The following DCAF5 variants were observed in gnomAD, a reference collection of about 807,000 sequenced individuals.
The protein encoded by DCAF5 is DDB1 and CUL4 associated factor 5, also known as DDB1- and CUL4-associated factor 5.
A neutral mutation model predicts 80.7 loss-of-function variants in DCAF5; 9 were observed. That is an observed-to-expected ratio of 0.11 (90% confidence interval 0.07 to 0.19). The LOEUF (loss-of-function observed/expected upper bound fraction) is 0.19, where lower values mean the gene tolerates loss of function less well. Ranked by LOEUF, DCAF5 falls within the 10% of genes least tolerant of loss-of-function variation. The pLI, the probability that DCAF5 is intolerant of heterozygous loss-of-function variation, is 1.00. For missense variants in DCAF5, 842 were observed against 1,205.7 expected (o/e 0.70, Z 4.47); for synonymous variants, 433 against 461.9 (o/e 0.94, Z 0.80).
chr14:69,105,026 T>C (rs2140015729), intron 5 of DCAF5, among the ~76,000 whole-genome samples: 1 of 152,190 alleles, frequency 6.6e-6, no homozygotes, highest in South Asian at 2.1e-4. Flanking sequence ...GGTGGAATAA[T>C]ATTGTGGTTA....
intron 6 of DCAF5, among the ~76,000 whole-genome samples, chr14:69,078,025 G>A (rs1332230413): frequency 6.6e-6 from 1 of 152,178 alleles, no homozygotes; most frequent in Non-Finnish European, 1.5e-5. Flanking sequence ...CACTGTGAAG[G>A]AATGTTGGAG....
intron 6 of DCAF5, among the ~76,000 whole-genome samples, chr14:69,088,739 C>T (rs536199331): frequency 5.5e-4 from 83 of 152,186 alleles, no homozygotes; most frequent in Admixed American, 7.2e-4. Context: ...CACAGAGCCT[C>T]AGGCTGTGGG....
intron 1 of DCAF5, among the ~76,000 whole-genome samples, chr14:69,133,049 G>GA (rs146026140): frequency 0.042 from 6,456 of 152,264 alleles, 174 homozygotes; most frequent in African/African-American, 0.076. Flanking sequence ...TATGCTATTT[G>GA]AACTCAAACA....
chr14:69,108,362 A>C (rs1025800975), intron 5 of DCAF5, among the ~76,000 whole-genome samples: 22 of 152,196 alleles, frequency 1.4e-4, no homozygotes, highest in Non-Finnish European at 2.9e-4. Flanking sequence ...AAAATCAAGA[A>C]AACAGGAGAA....
intron 6 of DCAF5, among the ~76,000 whole-genome samples, chr14:69,075,615 G>C (rs957787501): frequency 2.6e-5 from 4 of 152,050 alleles, no homozygotes; most frequent in African/African-American, 9.7e-5. Context: ...CAGAGTAGCT[G>C]GGACTACAGG....
In DCAF5 at chr14:69,152,032, C is replaced by A. The variant is rs553313672; in HGVS notation, c.214+733G>T. On this transcript the variant is annotated intron_variant, in intron 1 of 8. Transcript: ENST00000341516. The surrounding 1 kb of genome is among the most constrained non-coding windows in gnomAD (Gnocchi z 4.1). ...AACAAGTCTCCCGGGGGTCCCCCAC[C>A]CTACCGCCTGCCTCGCAAGTTGCGC... Among the ~76,000 whole-genome samples, 24 of 152,328 alleles carry A rather than the reference C, an allele frequency of 1.6e-4. No individual in the cohort carries two copies. The South Asian group carries it at 4.8e-3, about 30-fold the overall frequency.
intron 5 of DCAF5, among the ~76,000 whole-genome samples, chr14:69,098,893 C>CAA (rs57089112): frequency 6.6e-3 from 396 of 59,592 alleles, no homozygotes; most frequent in Non-Finnish European, 8.6e-3. Flanking sequence ...ACTCTGTCTC[C>CAA]AAAAAAAAAA....
chr14:69,080,451 G>A (rs1028924102), intron 6 of DCAF5, among the ~76,000 whole-genome samples: 4 of 152,272 alleles, frequency 2.6e-5, no homozygotes, highest in Middle Eastern at 3.4e-3. Flanking sequence ...GTACTTCATC[G>A]TATTAAAACT....
chr14:69,054,966 GCTC>G lies in DCAF5; in HGVS notation c.1717_1719del (p.Glu573del). The stretch of plus-strand genomic sequence containing the variant: ...CAGGTAGAGGCTCGGCGTTCATTCA[GCTC>G]CTCCTCATCCTCAGAGCTGCTAGAG... On this transcript the variant is annotated inframe_deletion, in exon 9 of 9. Transcript: ENST00000341516. 13 of 1,614,246 alleles carry G rather than the reference GCTC, an allele frequency of 8.1e-6. No homozygotes were observed. Among genetic ancestry groups the G allele is most frequent in the Non-Finnish European group, 1.1e-5 (13 of 1,180,044 alleles).
chr14:69,068,127 G>A (rs138991642), intron 7 of DCAF5, among the ~76,000 whole-genome samples: 12 of 151,848 alleles, frequency 7.9e-5, no homozygotes, highest in Middle Eastern at 3.2e-3. Context: ...CTTTTACATC[G>A]AGTGCATATG....
chr14:69,091,577 A>G, intron 6 of DCAF5, 97 bp downstream of exon 6: 1 of 1,129,546 alleles, frequency 8.9e-7, no homozygotes, highest in South Asian at 1.5e-5. Context: ...AATTGTTTCT[A>G]CCTGACATAA....
rs552086599 is a variant in DCAF5 at position 69,078,152 on chromosome 14, A to G, written c.880-2741T>C. 3.3e-4 allele frequency among the ~76,000 whole-genome samples: 50 copies of G among 152,342 alleles called. 2 individuals carry two copies. The South Asian group carries it at 0.01, about 31-fold the overall frequency. On this transcript the variant is annotated intron_variant, in intron 6 of 8. Coordinates refer to ENST00000341516, the MANE Select transcript of DCAF5 (RefSeq NM_003861.3). ...GGCCAGTCTTGTTAAACTTTAATTTAAAAGTTTCCTAAACTACAACAACAA... is the reference window on the plus strand; with the variant it reads ...GGCCAGTCTTGTTAAACTTTAATTTGAAAGTTTCCTAAACTACAACAACAA...
At chr14:69,102,062 A>T (rs954666961) in intron 5 of DCAF5, among the ~76,000 whole-genome samples, 2 of 152,026 alleles carry the variant, frequency 1.3e-5, no homozygotes, top group African/African-American at 4.8e-5. Context: ...ACATTTATTT[A>T]AAAATATTTT....
At chr14:69,150,563 T>C (rs907220821) in intron 1 of DCAF5, among the ~76,000 whole-genome samples, 29 of 152,252 alleles carry the variant, frequency 1.9e-4, no homozygotes, top group Non-Finnish European at 1.5e-4. Context: ...TTATGTGGCA[T>C]GGAAATTATC....
chr14:69,074,298 A>AT (rs2038815469), intron 7 of DCAF5, among the ~76,000 whole-genome samples: 1 of 152,200 alleles, frequency 6.6e-6, no homozygotes, highest in Admixed American at 6.5e-5. Context: ...CTGTTTGAGT[A>AT]TTAAAAACAG....
intron 7 of DCAF5, among the ~76,000 whole-genome samples, chr14:69,070,900 C>G (rs1190271286): frequency 6.6e-6 from 1 of 151,848 alleles, no homozygotes; most frequent in African/African-American, 2.4e-5. Flanking sequence ...CGGGTTCAAG[C>G]GTTTCTTCTG....
intron 5 of DCAF5, among the ~76,000 whole-genome samples, chr14:69,094,647 C>T (rs1030022527): frequency 1.3e-5 from 2 of 152,150 alleles, no homozygotes; most frequent in African/African-American, 4.8e-5. Flanking sequence ...GCTGGCCACT[C>T]CTGCTGAGAA....
chr14:69,126,218 C>T (rs2040870343), intron 1 of DCAF5, among the ~76,000 whole-genome samples: 2 of 146,206 alleles, frequency 1.4e-5, no homozygotes, highest in African/African-American at 5.1e-5. Context: ...AGTGCAATGG[C>T]GCAATCTCAG....
chr14:69,067,484 T>C (rs1209544859), intron 7 of DCAF5, among the ~76,000 whole-genome samples: 1 of 150,954 alleles, frequency 6.6e-6, no homozygotes, highest in Non-Finnish European at 1.5e-5. Flanking sequence ...GCTGAGACTA[T>C]AGGGACATGG....
Sources: allele counts gnomAD v4.1 joint callset (sites outside exome capture counted in the v4.1 genomes callset), GRCh38; gene constraint gnomAD v4.1.1; non-coding constraint Gnocchi (gnomAD v3.1); transcripts MANE v1.5; gene names NCBI Gene and HGNC (gene_info 2026-07-23, HGNC 2026-07-21).